Variants in ADAMTS16 observed in about 807,000 individuals in gnomAD.
The protein encoded by ADAMTS16 is ADAM metallopeptidase with thrombospondin type 1 motif 16.
ADAMTS16 carries 94 observed loss-of-function variants against 145.8 expected under a neutral mutation model. That is an observed-to-expected ratio of 0.64 (90% CI 0.55 to 0.77). The LOEUF is 0.77. Ranked by LOEUF, ADAMTS16 falls within the 30% of genes least tolerant of loss-of-function variation. The probability of loss-of-function intolerance (pLI) is 0.00; values close to 1 mark genes in which losing one functional copy is unlikely to be tolerated. For missense variants in ADAMTS16, 1,585 were observed against 1,591.5 expected (o/e 1.00, Z 0.07); for synonymous variants, 659 against 604.3 (o/e 1.09, Z -1.33).
chr5:5,185,732 T>C (rs1188333263), intron 4 of ADAMTS16, among the ~76,000 whole-genome samples: 1 of 152,222 alleles, frequency 6.6e-6, no homozygotes, highest in African/African-American at 2.4e-5. Flanking sequence ...CAAATCCCTA[T>C]GCTCAAAGTC....
intron 3 of ADAMTS16, among the ~76,000 whole-genome samples, chr5:5,172,127 T>A (rs1735057730): frequency 6.6e-6 from 1 of 152,106 alleles, no homozygotes; most frequent in Non-Finnish European, 1.5e-5. Context: ...TCTTATTTAT[T>A]TGGGTCTTCT....
At chr5:5,278,924 CA>C (rs201913079) in intron 18 of ADAMTS16, among the ~76,000 whole-genome samples, 3 of 150,894 alleles carry the variant, frequency 2.0e-5, no homozygotes, top group Non-Finnish European at 3.0e-5. Flanking sequence ...ACCAAACAAA[CA>C]AAAAAAACAA....
chr5:5,248,941 A>G (rs990154732), intron 17 of ADAMTS16, among the ~76,000 whole-genome samples: 3 of 152,260 alleles, frequency 2.0e-5, no homozygotes, highest in African/African-American at 7.2e-5. Flanking sequence ...AAAAGGACGT[A>G]TCTGTCTATC....
At chr5:5,225,794 G>A (rs992580990) in intron 11 of ADAMTS16, among the ~76,000 whole-genome samples, 1 of 152,102 alleles carries the variant, frequency 6.6e-6, no homozygotes, top group Admixed American at 6.5e-5. Flanking sequence ...AGGCAAATAT[G>A]CATTTGCCTG....
Position 5,235,051 on chromosome 5 carries a change from C to A in ADAMTS16, c.1888C>A (p.Arg630Ser), listed in dbSNP as rs200111235. The change falls in exon 13 of 23, where the codon CGC becomes AGC. Residue 630 changes from arginine to serine, a missense_variant. By Grantham distance (110) the Arg-to-Ser change is moderately radical. Transcript: ENST00000274181. Reference protein sequence around the residue: ...HGGKFCEGSTRTLKLCNSQKC... With the variant: ...HGGKFCEGSTSTLKLCNSQKC... ...AGGGAAGTTCTGTGAGGGCTCCACT[C>A]GCACTCTGAAGCTCTGCAACAGTCA... The A allele has an allele frequency of 6.3e-7, 1 of 1,597,222 alleles. No individual in the cohort carries two copies. The highest frequency in any genetic ancestry group is 1.3e-5 in the African/African-American group (1 of 74,726).
intron 10 of ADAMTS16, among the ~76,000 whole-genome samples, chr5:5,210,164 T>C (rs2126317652): frequency 6.6e-6 from 1 of 152,322 alleles, no homozygotes; most frequent in East Asian, 1.9e-4. Flanking sequence ...CCTTTTCTTA[T>C]GGGCAGAAGA....
At chr5:5,153,843 T>C (rs909337583) in intron 3 of ADAMTS16, among the ~76,000 whole-genome samples, 4 of 152,208 alleles carry the variant, frequency 2.6e-5, no homozygotes, top group Admixed American at 2.0e-4. Flanking sequence ...ATGCACAGGA[T>C]AGGTATCATT....
At chr5:5,257,088 T>C (rs1396929861) in intron 17 of ADAMTS16, among the ~76,000 whole-genome samples, 1 of 152,210 alleles carries the variant, frequency 6.6e-6, no homozygotes, top group Non-Finnish European at 1.5e-5. Flanking sequence ...TTTAATAGTC[T>C]CTCAGCCCTA....
intron 20 of ADAMTS16, 54 bp downstream of exon 20, chr5:5,303,820 G>C: frequency 6.4e-7 from 1 of 1,573,152 alleles, no homozygotes; most frequent in Non-Finnish European, 8.7e-7. Context: ...CCTCGGGACT[G>C]CCTCTTCTCT....
intron 3 of ADAMTS16, among the ~76,000 whole-genome samples, chr5:5,181,308 G>A (rs1735331700): frequency 6.6e-6 from 1 of 152,132 alleles, no homozygotes; most frequent in Admixed American, 6.5e-5. Context: ...TTGCCTGCTT[G>A]TCCTCATGCT....
At chr5:5,234,267 C>A (rs142918373) in intron 12 of ADAMTS16, among the ~76,000 whole-genome samples, 13 of 152,326 alleles carry the variant, frequency 8.5e-5, no homozygotes, top group African/African-American at 3.1e-4. Context: ...TGGGTCCTGG[C>A]CTTGTCACCA....
At chr5:5,153,707 G>A (rs1350995073) in intron 3 of ADAMTS16, among the ~76,000 whole-genome samples, 2 of 151,952 alleles carry the variant, frequency 1.3e-5, no homozygotes, top group African/African-American at 4.8e-5. Flanking sequence ...ATTTTTCTTA[G>A]GATTTTCTGA....
chr5:5,232,860 C>T (rs1736977870), intron 12 of ADAMTS16, among the ~76,000 whole-genome samples: 1 of 152,110 alleles, frequency 6.6e-6, no homozygotes, highest in South Asian at 2.1e-4. Context: ...GCCGTGACCT[C>T]CCAAAGTGCT....
rs562993148 is a variant in ADAMTS16, at chr5:5,280,691, G to A, written c.2789+17908G>A. 1.2e-4 allele frequency among the ~76,000 whole-genome samples: 18 copies of A among 152,204 alleles called. No homozygotes were observed. The South Asian group carries it at 3.3e-3, about 28-fold the overall frequency. The stretch of plus-strand genomic sequence containing the variant: ...TGTTGAGTAACGGAATTCTATTGTT[G>A]CTTAAAGCGCCACCTAATTAGTCAT... On this transcript the variant is annotated intron_variant, in intron 18 of 22. Coordinates refer to ENST00000274181, the MANE Select transcript of ADAMTS16 (RefSeq NM_139056.4).
chr5:5,280,605 T>C (rs1287398812), intron 18 of ADAMTS16, among the ~76,000 whole-genome samples: 1 of 152,170 alleles, frequency 6.6e-6, no homozygotes, highest in Non-Finnish European at 1.5e-5. Context: ...GGAACCTCCT[T>C]CCTGGCCTTC....
At chr5:5,231,386 T>C (rs1243548800) in intron 11 of ADAMTS16, among the ~76,000 whole-genome samples, 2 of 152,194 alleles carry the variant, frequency 1.3e-5, no homozygotes, top group East Asian at 3.9e-4. Flanking sequence ...GTTACCCTAA[T>C]ACCTCAACTA....
chr5:5,287,393 G>C lies in ADAMTS16; in HGVS notation c.2790-15875G>C, dbSNP rs1275547529. Among the ~76,000 whole-genome samples, 4 of 152,290 alleles carry C rather than the reference G, an allele frequency of 2.6e-5. No homozygotes were observed. The South Asian group carries it at 8.3e-4, about 32-fold the overall frequency. Reference sequence around the variant, plus strand: ...TATGTGGAAATGACAGTATTCCTGAGTCTGCTGTCATTTCAACTCTTCACT... The same window carrying C: ...TATGTGGAAATGACAGTATTCCTGACTCTGCTGTCATTTCAACTCTTCACT... On this transcript the variant is annotated intron_variant, in intron 18 of 22. Transcript: ENST00000274181.
At chr5:5,256,658 A>G (rs570927389) in intron 17 of ADAMTS16, among the ~76,000 whole-genome samples, 45 of 152,352 alleles carry the variant, frequency 3.0e-4, no homozygotes, top group African/African-American at 1.0e-3. Context: ...TTTCTATTTC[A>G]AAGCAAAACA....
chr5:5,314,340 G>T (rs1733946357), intron 21 of ADAMTS16, among the ~76,000 whole-genome samples: 1 of 152,178 alleles, frequency 6.6e-6, no homozygotes, highest in Non-Finnish European at 1.5e-5. Context: ...TGTTCCCTTT[G>T]TTTGAGAGAT....
Sources: gnomAD v4.1 joint callset for allele counts (sites outside exome capture counted in the v4.1 genomes callset) on GRCh38, gnomAD v4.1.1 for gene constraint, MANE v1.5 for transcripts, NCBI Gene and HGNC (gene_info 2026-07-23, HGNC 2026-07-21) for gene names.